The following SUGT1 variants were observed in gnomAD, a reference collection of about 807,000 sequenced individuals.
The protein encoded by SUGT1 is SGT1 assembly cochaperone of MIS12 kinetochore complex, also known as protein SGT1 homolog.
A neutral mutation model predicts 56.1 loss-of-function variants in SUGT1; 15 were observed. That is an observed-to-expected ratio of 0.27 (90% confidence interval 0.18 to 0.41). The LOEUF (loss-of-function observed/expected upper bound fraction) is 0.41. Among genes scored for constraint, SUGT1 ranks in the 10% least tolerant of loss-of-function variants. The pLI is 1.00. For synonymous variants in SUGT1, 123 were observed against 128.6 expected (o/e 0.96, Z 0.30); for missense variants, 347 against 382.2 (o/e 0.91, Z 0.77).
In SUGT1 at chr13:52,699,125, G is replaced by A. The variant is rs569906033; in HGVS notation, c.*11290G>A. ...AGCTACTTGGCTTGCTCCTTTGAAG[G>A]TTTTGTTTCCCTCTTAACACAGAAA... On this transcript the variant is annotated 3_prime_UTR_variant, in exon 13 of 13. Coordinates refer to ENST00000310528, the MANE Select transcript of SUGT1 (RefSeq NM_006704.5). 6.6e-6 allele frequency: 1 copy of A among 152,102 alleles called. No homozygotes were observed. Among genetic ancestry groups the A allele is most frequent in the Non-Finnish European group, 1.5e-5 (1 of 68,014 alleles). 9.4% of individuals were successfully genotyped at this position (152,102 alleles called of 1,614,324 possible).
At chr13:52,679,462 A>G (rs1566193717) in intron 11 of SUGT1, among the ~76,000 whole-genome samples, 1 of 152,200 alleles carries the variant, frequency 6.6e-6, no homozygotes, top group Non-Finnish European at 1.5e-5. Flanking sequence ...ATGGAGTGGC[A>G]TGGATGATTA....
rs1387276459 is a variant in SUGT1, at chr13:52,697,754, A to G, written c.*9919A>G. 6.6e-6 allele frequency: 1 copy of G among 152,224 alleles called. No individual in the cohort carries two copies. The highest frequency in any genetic ancestry group is 1.5e-5 in the Non-Finnish European group (1 of 68,044). 9.4% of individuals were successfully genotyped at this position (152,224 alleles called of 1,614,324 possible). A position where few individuals can be genotyped will look rare whatever the true frequency, so the allele number is the denominator to read the frequency against. On this transcript the variant is annotated 3_prime_UTR_variant, in exon 13 of 13. Coordinates refer to ENST00000310528, the MANE Select transcript of SUGT1 (RefSeq NM_006704.5). Reference sequence around the variant, plus strand: ...TAGTAGAATAATATAGGTATCTGAAAAAGAACTTGGTTCATGACATCCACT... The same window carrying G: ...TAGTAGAATAATATAGGTATCTGAAGAAGAACTTGGTTCATGACATCCACT...
In SUGT1 at chr13:52,695,576, C is replaced by T. The variant is rs1963905471; in HGVS notation, c.*7741C>T. The T allele has an allele frequency of 6.6e-6, 1 of 152,182 alleles. No individual in the cohort carries two copies. Among genetic ancestry groups the T allele is most frequent in the Admixed American group, 6.5e-5 (1 of 15,282 alleles). 9.4% of individuals were successfully genotyped at this position (152,182 alleles called of 1,614,324 possible). A position where few individuals can be genotyped will look rare whatever the true frequency, so the allele number is the denominator to read the frequency against. ...AAGTCCTTGATTTATTTTTTCCCCT[C>T]AGTCCTGTTTAGTGTTGAAATTCTT... On this transcript the variant is annotated 3_prime_UTR_variant, in exon 13 of 13. Coordinates refer to ENST00000310528, the MANE Select transcript of SUGT1 (RefSeq NM_006704.5).
chr13:52,695,170 CTG>C lies in SUGT1; in HGVS notation c.*7336_*7337del, dbSNP rs1963892153. 1.3e-5 allele frequency: 2 copies of C among 152,164 alleles called. No homozygotes were observed. The highest frequency in any genetic ancestry group is 2.1e-4 in the South Asian group (1 of 4,834). The allele number at this position is 152,164 out of a possible 1,614,324, so 9.4% of individuals were successfully genotyped here. ...AAACTTTTTCTGTGGCTTGAAGTGACTGAAAGTGAACACATTCATAAGTAATG... is the reference window on the plus strand; with the variant it reads ...AAACTTTTTCTGTGGCTTGAAGTGACAAAGTGAACACATTCATAAGTAATG... On this transcript the variant is annotated 3_prime_UTR_variant, in exon 13 of 13. Coordinates refer to ENST00000310528, the MANE Select transcript of SUGT1 (RefSeq NM_006704.5).
chr13:52,668,438 G>A (rs925341061), intron 10 of SUGT1, among the ~76,000 whole-genome samples: 1 of 152,212 alleles, frequency 6.6e-6, no homozygotes, highest in Non-Finnish European at 1.5e-5. Flanking sequence ...GGACACAGCT[G>A]CAGAGGGTTG....
chr13:52,663,510 G>T (rs1479820736), intron 7 of SUGT1, among the ~76,000 whole-genome samples: 1 of 152,146 alleles, frequency 6.6e-6, no homozygotes, highest in African/African-American at 2.4e-5. Context: ...GCTCTGTCAT[G>T]CAGGCTGGAG....
intron 10 of SUGT1, among the ~76,000 whole-genome samples, chr13:52,674,053 C>CTTTT (rs765220996): frequency 0.024 from 2,542 of 107,748 alleles, 204 homozygotes; most frequent in African/African-American, 0.035. Context: ...AGATAGTATA[C>CTTTT]TTTTTTTTTT....
intron 8 of SUGT1, 28 bp from the exon 9 acceptor site, chr13:52,665,609 A>C: frequency 6.8e-7 from 1 of 1,473,458 alleles, no homozygotes; most frequent in Non-Finnish European, 9.1e-7. Context: ...TAGAAGAGTT[A>C]CCTAAGTTTC....
intron 12 of SUGT1, among the ~76,000 whole-genome samples, chr13:52,682,195 T>C (rs539388558): frequency 1.5e-3 from 225 of 152,264 alleles, no homozygotes; most frequent in Non-Finnish European, 1.3e-3. Flanking sequence ...TTGTTTTACA[T>C]ATTACATTTA....
Position 52,696,989 on chromosome 13 carries a change from T to G in SUGT1, c.*9154T>G, listed in dbSNP as rs1355334560. ...GAGGGGTGTCCTGATTTATTTTATT[T>G]ATTTTATTTATTTATTTTTATTTTT... is the stretch of plus-strand genomic sequence containing the variant. On this transcript the variant is annotated 3_prime_UTR_variant, in exon 13 of 13. Coordinates refer to ENST00000310528, the MANE Select transcript of SUGT1 (RefSeq NM_006704.5). 1.3e-5 allele frequency: 2 copies of G among 150,438 alleles called. No homozygotes were observed. The highest frequency in any genetic ancestry group is 3.0e-5 in the Non-Finnish European group (2 of 67,608). The allele number at this position is 150,438 out of a possible 1,614,324, so 9.3% of individuals were successfully genotyped here.
intron 4 of SUGT1, 24 bp downstream of exon 4, chr13:52,658,492 T>C (rs1318298518): frequency 2.5e-6 from 4 of 1,600,644 alleles, no homozygotes; most frequent in Non-Finnish European, 3.4e-6. Context: ...ACTCTTCTTG[T>C]TGAGCTTGGT....
At position 52,679,996 on chromosome 13, in the gene SUGT1, A is replaced by G. The variant is rs1161635710; in HGVS notation, c.741A>G (p.Ser247=). 2.5e-6 allele frequency: 4 copies of G among 1,597,278 alleles called. No homozygotes were observed. Among genetic ancestry groups the G allele is most frequent in the Non-Finnish European group, 2.6e-6 (3 of 1,175,788 alleles). Residue 247 remains serine (S), a synonymous_variant, in exon 12 of 13, where the codon TCA becomes TCG. Coordinates refer to ENST00000310528, the MANE Select transcript of SUGT1 (RefSeq NM_006704.5). ...FVADVKNLYP[S]SSPYTRNWDK... ...TAGATGTAAAGAACCTATATCCATC[A>G]TCATCTCCTTATACAAGAAATTGGG... is the stretch of plus-strand genomic sequence containing the variant.
intron 10 of SUGT1, among the ~76,000 whole-genome samples, chr13:52,675,850 A>G (rs903221732): frequency 2.6e-5 from 4 of 152,144 alleles, no homozygotes; most frequent in East Asian, 1.9e-4. Context: ...CGTGGTCTCT[A>G]CTCAATAGAT....
At chr13:52,658,532 G>A in intron 4 of SUGT1, 64 bp downstream of exon 4, 1 of 1,456,336 alleles carries the variant, frequency 6.9e-7, no homozygotes, top group Non-Finnish European at 9.3e-7. Context: ...TTTGTTGAAT[G>A]AGTTCATTGC....
In SUGT1 at chr13:52,693,730, T is replaced by C. The variant is rs1429603634; in HGVS notation, c.*5895T>C. The C allele has an allele frequency of 6.6e-6, 1 of 152,198 alleles. No homozygotes were observed. Among genetic ancestry groups the C allele is most frequent in the East Asian group, 1.9e-4 (1 of 5,198 alleles). 9.4% of individuals were successfully genotyped at this position (152,198 alleles called of 1,614,324 possible). On this transcript the variant is annotated 3_prime_UTR_variant, in exon 13 of 13. Transcript: ENST00000310528. ...AATGTTTTGTGTGTGTGTGTGTGTG[T>C]GCATGTGCATCTGTATGACAAGTGA...
At position 52,688,019 on chromosome 13, in the gene SUGT1, T is replaced by G. The variant is rs1269956024; in HGVS notation, c.*184T>G. Reference sequence around the variant, plus strand: ...TCTAATGAAGAATGAAGATAACATTTTATCACTTCTGTCCTTAAAGGTTTC... The same window carrying G: ...TCTAATGAAGAATGAAGATAACATTGTATCACTTCTGTCCTTAAAGGTTTC... On this transcript the variant is annotated 3_prime_UTR_variant, in exon 13 of 13. Transcript: ENST00000310528. The G allele has an allele frequency of 4.8e-6, 2 of 417,392 alleles. No homozygotes were observed. The highest frequency in any genetic ancestry group is 8.4e-6 in the Non-Finnish European group (2 of 237,864). 25.9% of individuals were successfully genotyped at this position (417,392 alleles called of 1,614,324 possible).
intron 10 of SUGT1, among the ~76,000 whole-genome samples, chr13:52,673,270 A>G (rs1355375423): frequency 6.8e-6 from 1 of 148,096 alleles, no homozygotes; most frequent in Non-Finnish European, 1.5e-5. Flanking sequence ...GGGGGTAGAT[A>G]GGGTCTCACT....
At chr13:52,653,248 C>A (rs774620640) in intron 2 of SUGT1, 145 bp downstream of exon 2, 6 of 1,009,830 alleles carry the variant, frequency 5.9e-6, no homozygotes, top group Non-Finnish European at 7.4e-6. Context: ...TATTGAGATT[C>A]TCCGTCTCTT....
At chr13:52,663,139 G>A (rs1566180000) in intron 7 of SUGT1, 27 bp downstream of exon 7, 3 of 1,601,596 alleles carry the variant, frequency 1.9e-6, no homozygotes, top group Non-Finnish European at 2.6e-6. Flanking sequence ...CATTCTTCAT[G>A]TTTTTATTAT....
Sources: allele counts gnomAD v4.1 joint callset (sites outside exome capture counted in the v4.1 genomes callset), GRCh38; gene constraint gnomAD v4.1.1; transcripts MANE v1.5; gene names NCBI Gene and HGNC (gene_info 2026-07-23, HGNC 2026-07-21).